Variants in MTMR12 observed in about 807,000 individuals in gnomAD.
MTMR12 encodes the protein myotubularin-related protein 12.
In MTMR12, 33 loss-of-function variants were observed where a neutral mutation model predicts 96.7. The ratio of observed to expected loss-of-function variants is 0.34; its 90% CI spans 0.26 to 0.46. The LOEUF (loss-of-function observed/expected upper bound fraction) is 0.46, where lower values mean the gene tolerates loss of function less well. Among genes scored for constraint, MTMR12 ranks in the 20% least tolerant of loss-of-function variants. The pLI is 1.00. For missense variants in MTMR12, 721 were observed against 896.1 expected, an observed-to-expected ratio of 0.80 and a Z score of 2.49; for synonymous variants, 298 against 327.2, an observed-to-expected ratio of 0.91 and a Z score of 0.96.
chr5:32,261,095 T>A (rs1193138117), intron 7 of MTMR12, among the ~76,000 whole-genome samples: 1 of 151,260 alleles, frequency 6.6e-6, no homozygotes, highest in African/African-American at 2.4e-5. Context: ...TAGTGGGGCG[T>A]GGTGGCAGGC....
At position 32,270,912 on chromosome 5, in the gene MTMR12, G is replaced by A; in HGVS notation, c.394C>T (p.Leu132=). The A allele has an allele frequency of 6.2e-7, 1 of 1,613,910 alleles. No individual in the cohort carries two copies. The highest frequency in any genetic ancestry group is 2.2e-5 in the East Asian group (1 of 44,876). The part of the protein sequence containing the change: ...DEKKKTLFGQ[L]KKYPEKLIIH... ...ATGAGCTTCTCAGGGTATTTCTTCA[G>A]TTGTCCAAAGAGAGTTTTCTTTTTC... The change falls in exon 5 of 16, where the codon CTG becomes TTG. Residue 132 remains leucine, a synonymous_variant. Coordinates refer to ENST00000382142, the MANE Select transcript of MTMR12 (RefSeq NM_001040446.3).
chr5:32,286,137 G>A (rs1295517517), intron 1 of MTMR12, among the ~76,000 whole-genome samples: 1 of 152,096 alleles, frequency 6.6e-6, no homozygotes, highest in Admixed American at 6.6e-5. Context: ...GCCCAAGTTC[G>A]AGACAAGCTT....
intron 11 of MTMR12, 51 bp downstream of exon 11, chr5:32,243,470 C>T (rs1293729558): frequency 7.6e-7 from 1 of 1,315,662 alleles, no homozygotes; most frequent in East Asian, 2.3e-5. Context: ...GATCTACTAC[C>T]CTGAGTTATA....
intron 1 of MTMR12, among the ~76,000 whole-genome samples, chr5:32,311,500 A>G (rs2111561691): frequency 6.6e-6 from 1 of 152,344 alleles, no homozygotes; most frequent in South Asian, 2.1e-4. Context: ...TCTCTCATCC[A>G]CAGCCCACGT....
At chr5:32,283,579 C>CT (rs1750395155) in intron 1 of MTMR12, among the ~76,000 whole-genome samples, 1 of 152,176 alleles carries the variant, frequency 6.6e-6, no homozygotes, top group Admixed American at 6.5e-5. Context: ...AGTCTGCATT[C>CT]TTATTCAATG....
rs1748084676 is a variant in MTMR12 at position 32,233,473 on chromosome 5, A to ACACACACACACACAC, written c.1674+299_1674+300insGTGTGTGTGTGTGTG. On this transcript the variant is annotated intron_variant, in intron 15 of 15. Transcript: ENST00000382142. This position sits in a 1 kb window ranked among gnomAD's most constrained non-coding sequence, Gnocchi z 5.0. ...CTCTACTAACACACACACACACACA[A>ACACACACACACACAC]ACACACACACACACACACACACACA... Among the ~76,000 whole-genome samples, 8 of 59,934 alleles carry ACACACACACACACAC rather than the reference A, an allele frequency of 1.3e-4. No homozygotes were observed. Among genetic ancestry groups the ACACACACACACACAC allele is most frequent in the African/African-American group, 3.2e-4 (7 of 21,724 alleles). The allele number at this position is 59,934 out of a possible 152,430, so 39.3% of individuals were successfully genotyped here. A position where few individuals can be genotyped will look rare whatever the true frequency, so the allele number is the denominator to read the frequency against.
At chr5:32,278,954 T>TA (rs1448065247) in intron 1 of MTMR12, among the ~76,000 whole-genome samples, 2 of 151,484 alleles carry the variant, frequency 1.3e-5, no homozygotes, top group African/African-American at 4.9e-5. Context: ...TGCATGCCTG[T>TA]AATCCCAGCT....
In MTMR12 at chr5:32,229,714, C is replaced by A. The variant is rs1348623856; in HGVS notation, c.*64G>T. 2 of 1,455,104 alleles carry A rather than the reference C, an allele frequency of 1.4e-6. No individual in the cohort carries two copies. Among genetic ancestry groups the A allele is most frequent in the Non-Finnish European group, 1.8e-6 (2 of 1,096,188 alleles). The allele number at this position is 1,455,104 out of a possible 1,614,324, so 90.1% of individuals were successfully genotyped here. On this transcript the variant is annotated 3_prime_UTR_variant, in exon 16 of 16. Transcript: ENST00000382142. ...AGCCAGCATGAGCTGTAGCGTGACA[C>A]AAATCCAGGGATCAGCTGTCCCAAT...
At chr5:32,270,756 C>T (rs1749798192) in intron 5 of MTMR12, 61 bp downstream of exon 5, 1 of 1,531,010 alleles carries the variant, frequency 6.5e-7, no homozygotes, top group Admixed American at 2.1e-5. Flanking sequence ...TAAGCAAAAA[C>T]TAGAGCTAGT....
At position 32,248,214 on chromosome 5, in the gene MTMR12, C is replaced by A. The variant is rs1748774878; in HGVS notation, c.897-88G>T. 2.8e-6 allele frequency: 4 copies of A among 1,410,206 alleles called. No individual in the cohort carries two copies. The East Asian group carries it at 6.9e-5, about 24-fold the overall frequency. The allele number at this position is 1,410,206 out of a possible 1,614,324, so 87.4% of individuals were successfully genotyped here. On this transcript the variant is annotated intron_variant, in intron 9 of 15. Coordinates refer to ENST00000382142, the MANE Select transcript of MTMR12 (RefSeq NM_001040446.3). ...TACGTGCCACAATCTGTGTTAAGGG[C>A]TCAGTAGGCATTCTCCCATTTAATC...
In MTMR12 at chr5:32,249,879, T is replaced by C. The variant is rs559372382; in HGVS notation, c.790-1001A>G. On this transcript the variant is annotated intron_variant, in intron 8 of 15. Transcript: ENST00000382142. Reference sequence around the variant, plus strand: ...GACGGGTGAGTACAGTTGTGGACTTTGAGTCCTGCATAAAGGCCTGGCTAA... The same window carrying C: ...GACGGGTGAGTACAGTTGTGGACTTCGAGTCCTGCATAAAGGCCTGGCTAA... 2.0e-5 allele frequency among the ~76,000 whole-genome samples: 3 copies of C among 152,322 alleles called. No individual in the cohort carries two copies. In the East Asian group the frequency reaches 5.8e-4, roughly 29 times the overall value.
rs1189758743 is a variant in MTMR12, at chr5:32,312,546, T to TCAGGCACCTGCCTGCCTGCGCC, written c.81+190_81+211dup. 6.6e-6 allele frequency among the ~76,000 whole-genome samples: 1 copy of TCAGGCACCTGCCTGCCTGCGCC among 151,996 alleles called. No homozygotes were observed. Among genetic ancestry groups the TCAGGCACCTGCCTGCCTGCGCC allele is most frequent in the Non-Finnish European group, 1.5e-5 (1 of 67,972 alleles). On this transcript the variant is annotated intron_variant, in intron 1 of 15. Transcript: ENST00000382142. This position sits in a 1 kb window ranked among gnomAD's most constrained non-coding sequence, Gnocchi z 5.0. ...AGCCTCCAGCGCTCGGGCCCTGCGC[T>TCAGGCACCTGCCTGCCTGCGCC]CAGGCACCTGCCTGCCTGCGCCGGG...
chr5:32,299,882 A>AC (rs1369644197), intron 1 of MTMR12, among the ~76,000 whole-genome samples: 2 of 152,116 alleles, frequency 1.3e-5, no homozygotes, highest in African/African-American at 2.4e-5. Context: ...CCTGCTTGCT[A>AC]CATTATCCCC....
At chr5:32,243,646 C>T (rs1748563790) in intron 10 of MTMR12, 47 bp from the exon 11 acceptor site, 1 of 1,233,810 alleles carries the variant, frequency 8.1e-7, no homozygotes, top group East Asian at 2.3e-5. Flanking sequence ...TGTTCACTGA[C>T]ATACTTGCCA....
chr5:32,230,048 C>T lies in MTMR12; in HGVS notation c.1974G>A (p.Val658=). ...PEAQILGGGQ[V]ATLSKLLEMM... is the part of the protein sequence containing the mutation. ...TTTCCAAGAGTTTGCTCAGAGTGGCCACTTGGCCACCACCTAGGATTTGGG... is the reference window on the plus strand; with the variant it reads ...TTTCCAAGAGTTTGCTCAGAGTGGCTACTTGGCCACCACCTAGGATTTGGG... Residue 658 remains valine, a synonymous_variant, in exon 16 of 16, where the codon GTG becomes GTA. Coordinates refer to ENST00000382142, the MANE Select transcript of MTMR12 (RefSeq NM_001040446.3). The T allele has an allele frequency of 6.2e-7, 1 of 1,613,444 alleles. No homozygotes were observed. Among genetic ancestry groups the T allele is most frequent in the Non-Finnish European group, 8.5e-7 (1 of 1,179,438 alleles).
chr5:32,287,239 G>A (rs927350027), intron 1 of MTMR12, among the ~76,000 whole-genome samples: 4 of 152,184 alleles, frequency 2.6e-5, no homozygotes, highest in Admixed American at 2.6e-4. Context: ...GTTGCCAAAG[G>A]AGATTAACAT....
At chr5:32,253,582 T>C (rs1339136790) in intron 8 of MTMR12, among the ~76,000 whole-genome samples, 2 of 152,196 alleles carry the variant, frequency 1.3e-5, no homozygotes, top group Admixed American at 6.5e-5. Context: ...GACGTATAAA[T>C]ATGGGAAGAA....
chr5:32,302,114 A>G (rs1409244647), intron 1 of MTMR12, among the ~76,000 whole-genome samples: 1 of 152,160 alleles, frequency 6.6e-6, no homozygotes, highest in African/African-American at 2.4e-5. Flanking sequence ...CTCCCTTCCC[A>G]AAACAACTGA....
chr5:32,283,558 G>A (rs538897483), intron 1 of MTMR12, among the ~76,000 whole-genome samples: 27 of 152,260 alleles, frequency 1.8e-4, no homozygotes, highest in African/African-American at 6.0e-4. Flanking sequence ...CGCAGTCTGC[G>A]TTCCTGGCCC....
Sources: gnomAD v4.1 joint callset for allele counts (sites outside exome capture counted in the v4.1 genomes callset) on GRCh38, gnomAD v4.1.1 for gene constraint, Gnocchi (gnomAD v3.1) non-coding constraint, MANE v1.5 for transcripts, NCBI Gene and HGNC (gene_info 2026-07-23, HGNC 2026-07-21) for gene names.